WDR70: variants seen among roughly 807,000 people sequenced by gnomAD.
WDR70 encodes WD repeat-containing protein 70.
Under a neutral mutation model 88.6 loss-of-function variants are expected in WDR70, and 53 were observed. The observed-to-expected ratio is 0.60, with a 90% CI of 0.48 to 0.75. The LOEUF (loss-of-function observed/expected upper bound fraction) is 0.75. Among genes scored for constraint, WDR70 ranks in the 30% least tolerant of loss-of-function variants. WDR70 has a pLI of 0.00. For synonymous variants in WDR70, 280 were observed against 270.0 expected (o/e 1.04, Z -0.36); for missense variants, 610 against 823.2 (o/e 0.74, Z 3.17).
chr5:37,379,491 A>G lies in WDR70; in HGVS notation c.28A>G (p.Thr10Ala), dbSNP rs1748352886. ...CCTCTCTTTTCCTCTTGCTCCAGTG[A>G]CAGGCTCAGACGCGTCGGGACCGGA... MERSGPSEV[T>A]GSDASGPDPQ... Residue 10 changes from threonine to alanine, a missense_variant and splice_region_variant, in exon 2 of 18, where the codon ACA becomes GCA. Thr to Ala is a moderately conservative substitution (Grantham distance 58, BLOSUM62 0). Transcript: ENST00000265107. 1 of 1,613,830 alleles carries G rather than the reference A, an allele frequency of 6.2e-7. No homozygotes were observed. Among genetic ancestry groups the G allele is most frequent in the Admixed American group, 1.7e-5 (1 of 59,980 alleles).
intron 10 of WDR70, among the ~76,000 whole-genome samples, chr5:37,689,104 G>C (rs114368341): frequency 0.031 from 4,796 of 152,274 alleles, 100 homozygotes; most frequent in Middle Eastern, 0.11. Flanking sequence ...GTCTGAGATC[G>C]AACTTCAAGG....
At chr5:37,631,853 A>G (rs1289499026) in intron 10 of WDR70, among the ~76,000 whole-genome samples, 1 of 152,172 alleles carries the variant, frequency 6.6e-6, no homozygotes, top group Non-Finnish European at 1.5e-5. Flanking sequence ...GATCTGTCTC[A>G]TATAGAAAAA....
intron 9 of WDR70, 26 bp downstream of exon 9, chr5:37,516,616 A>G: frequency 6.8e-7 from 1 of 1,476,630 alleles, no homozygotes; most frequent in Non-Finnish European, 9.4e-7. Flanking sequence ...AATTCATCTA[A>G]TACATTCATA....
chr5:37,415,821 A>T (rs1749720029), intron 5 of WDR70, among the ~76,000 whole-genome samples: 1 of 141,424 alleles, frequency 7.1e-6, no homozygotes, highest in Admixed American at 7.0e-5. Context: ...GACGCTCCTC[A>T]CCTCCCAGAC....
chr5:37,407,799 G>T (rs1408296529), intron 5 of WDR70, among the ~76,000 whole-genome samples: 1 of 151,892 alleles, frequency 6.6e-6, no homozygotes, highest in African/African-American at 2.4e-5. Context: ...CAAGTGCTAA[G>T]ATTAAAGGTG....
At chr5:37,651,993 TG>T (rs1345920693) in intron 10 of WDR70, among the ~76,000 whole-genome samples, 1 of 152,184 alleles carries the variant, frequency 6.6e-6, no homozygotes, top group East Asian at 1.9e-4. Context: ...TGGCTTTTGG[TG>T]TTTTAGTCAT....
intron 9 of WDR70, among the ~76,000 whole-genome samples, chr5:37,591,389 G>A (rs2112446797): frequency 6.6e-6 from 1 of 152,290 alleles, no homozygotes; most frequent in East Asian, 1.9e-4. Context: ...AGAACTTAAT[G>A]ACATTGAAAG....
intron 9 of WDR70, among the ~76,000 whole-genome samples, chr5:37,545,066 T>G (rs1328907139): frequency 6.6e-6 from 1 of 152,174 alleles, no homozygotes; most frequent in African/African-American, 2.4e-5. Context: ...ATTTAACATC[T>G]CTGTAATTTA....
chr5:37,563,406 T>G (rs10067561), intron 9 of WDR70, among the ~76,000 whole-genome samples: 9,848 of 34,454 alleles, frequency 0.29, 3,999 homozygotes, highest in African/African-American at 0.73. Flanking sequence ...CCTCCAGGAT[T>G]GGGCGGCTGG....
At position 37,572,119 on chromosome 5, in the gene WDR70, A is replaced by G. The variant is rs187865780; in HGVS notation, c.918-32945A>G. Among the ~76,000 whole-genome samples the G allele has an allele frequency of 9.5e-4, 145 of 152,310 alleles. 1 individual carries two copies. The highest frequency in any genetic ancestry group is 1.8e-3 in the Non-Finnish European group (121 of 68,022). ...TTCTGTTACTGAAATGTGTAAAATT[A>G]TATATAAAGGGAAAGAGAGCAGCAT... On this transcript the variant is annotated intron_variant, in intron 9 of 17. Coordinates refer to ENST00000265107, the MANE Select transcript of WDR70 (RefSeq NM_018034.4).
At chr5:37,452,458 G>T (rs1738704906) in intron 7 of WDR70, among the ~76,000 whole-genome samples, 1 of 152,096 alleles carries the variant, frequency 6.6e-6, no homozygotes, top group Non-Finnish European at 1.5e-5. Flanking sequence ...TAGAGACGTG[G>T]TTTCACCATG....
At chr5:37,394,581 A>G (rs1435146675) in intron 4 of WDR70, among the ~76,000 whole-genome samples, 2 of 152,210 alleles carry the variant, frequency 1.3e-5, no homozygotes, top group African/African-American at 4.8e-5. Flanking sequence ...CAGGCATGTA[A>G]TGAAGATAAA....
chr5:37,415,172 A>T (rs1031156493), intron 5 of WDR70, among the ~76,000 whole-genome samples: 3 of 151,618 alleles, frequency 2.0e-5, no homozygotes, highest in Non-Finnish European at 4.4e-5. Flanking sequence ...AAAGTCTCCC[A>T]TGTCTACTTC....
chr5:37,628,445 G>A (rs1467587070), intron 10 of WDR70, among the ~76,000 whole-genome samples: 1 of 152,134 alleles, frequency 6.6e-6, no homozygotes, highest in Non-Finnish European at 1.5e-5. Context: ...TTGCTGAATT[G>A]ATCCTTTTAT....
rs144984252 is a variant in WDR70 at position 37,496,592 on chromosome 5, G to A, written c.840+16605G>A. 1.3e-3 allele frequency among the ~76,000 whole-genome samples: 195 copies of A among 152,308 alleles called. 1 individual carries two copies. The highest frequency in any genetic ancestry group is 1.5e-3 in the Non-Finnish European group (102 of 68,024). ...CTCACTAATGTCTTCTGCAATAGGG[G>A]TAGTTTTCTTTTATTAAAAAGTATC... On this transcript the variant is annotated intron_variant, in intron 8 of 17. Transcript: ENST00000265107.
intron 5 of WDR70, among the ~76,000 whole-genome samples, chr5:37,404,838 G>A (rs1469973095): frequency 6.6e-6 from 1 of 152,062 alleles, no homozygotes; most frequent in Non-Finnish European, 1.5e-5. Flanking sequence ...AGCCTTTTAA[G>A]GATTCTATCC....
intron 10 of WDR70, among the ~76,000 whole-genome samples, chr5:37,613,749 A>G (rs1414620043): frequency 6.6e-6 from 1 of 151,566 alleles, no homozygotes; most frequent in Non-Finnish European, 1.5e-5. Context: ...AGCACTTGTA[A>G]TATTTTATTT....
intron 10 of WDR70, among the ~76,000 whole-genome samples, chr5:37,616,802 A>G (rs962703118): frequency 2.6e-5 from 4 of 152,234 alleles, no homozygotes; most frequent in African/African-American, 7.2e-5. Flanking sequence ...TATTTGTTGA[A>G]TAAATGAATG....
intron 17 of WDR70, among the ~76,000 whole-genome samples, chr5:37,742,210 A>C (rs1222226923): frequency 7.4e-5 from 11 of 149,608 alleles, no homozygotes; most frequent in African/African-American, 2.4e-4. Context: ...TATCTATAGC[A>C]TGCAAGGGTT....
Sources: allele counts gnomAD v4.1 joint callset (sites outside exome capture counted in the v4.1 genomes callset), GRCh38; gene constraint gnomAD v4.1.1; transcripts MANE v1.5; gene names NCBI Gene and HGNC (gene_info 2026-07-23, HGNC 2026-07-21).